The following NF1 variants were observed in gnomAD, a reference collection of about 807,000 sequenced individuals.
NF1 encodes the protein neurofibromin.
A neutral mutation model predicts 325.7 loss-of-function variants in NF1; 122 were observed. The observed-to-expected ratio is 0.37, with a 90% CI of 0.32 to 0.44. The LOEUF (loss-of-function observed/expected upper bound fraction) is 0.44, where lower values mean the gene tolerates loss of function less well. NF1 is among the 20% of genes least tolerant of loss of function. The pLI is 1.00. For missense variants in NF1, 2,140 were observed against 3,415.4 expected (o/e 0.63, Z 9.31); for synonymous variants, 1,091 against 1,186.0 (o/e 0.92, Z 1.65).
At chr17:31,134,733 G>T (rs1404395804) in intron 1 of NF1, among the ~76,000 whole-genome samples, 1 of 152,162 alleles carries the variant, frequency 6.6e-6, no homozygotes, top group Non-Finnish European at 1.5e-5. Context: ...CTGGCCATTT[G>T]TAAGAGGTCT....
At position 31,132,645 on chromosome 17, in the gene NF1, T is replaced by C. The variant is rs77287451; in HGVS notation, c.61-23338T>C. On this transcript the variant is annotated intron_variant, in intron 1 of 57. Transcript: ENST00000358273. The stretch of plus-strand genomic sequence containing the variant: ...TTGGGTTTATTCTGCTATGCATTTT[T>C]CCCCTAACTTTTTAATGTTACTTAT... Among the ~76,000 whole-genome samples the C allele has an allele frequency of 1.1e-3, 160 of 152,286 alleles. 3 individuals are homozygous for C. In the East Asian group the frequency reaches 0.028, roughly 27 times the overall value.
At chr17:31,118,841 T>C (rs909916087) in intron 1 of NF1, among the ~76,000 whole-genome samples, 11 of 152,118 alleles carry the variant, frequency 7.2e-5, no homozygotes, top group African/African-American at 2.7e-4. Flanking sequence ...GTATTTCTAG[T>C]TGTAGATCCT....
intron 36 of NF1, among the ~76,000 whole-genome samples, chr17:31,291,810 T>C (rs1457736606): frequency 6.6e-6 from 1 of 152,234 alleles, no homozygotes; most frequent in Admixed American, 6.5e-5. Flanking sequence ...TCTGGGTCCC[T>C]ATTTCACTGA....
chr17:31,256,830 C>T (rs2151460140), intron 31 of NF1, among the ~76,000 whole-genome samples: 1 of 152,284 alleles, frequency 6.6e-6, no homozygotes, highest in East Asian at 1.9e-4. Flanking sequence ...GCAATAAACA[C>T]TGTAACATAA....
chr17:31,294,073 T>C (rs1466593181), intron 36 of NF1, among the ~76,000 whole-genome samples: 1 of 152,180 alleles, frequency 6.6e-6, no homozygotes, highest in African/African-American at 2.4e-5. Context: ...TCCTCAGTAC[T>C]GCCCAAGTTC....
At chr17:31,242,700 A>G (rs1054492225) in intron 29 of NF1, among the ~76,000 whole-genome samples, 1 of 152,078 alleles carries the variant, frequency 6.6e-6, no homozygotes, top group Non-Finnish European at 1.5e-5. Flanking sequence ...TCTCCACATT[A>G]TCATGGATTT....
At chr17:31,316,480 A>G (rs1044268149) in intron 36 of NF1, among the ~76,000 whole-genome samples, 3 of 152,182 alleles carry the variant, frequency 2.0e-5, no homozygotes, top group South Asian at 2.1e-4. Flanking sequence ...TTTGACCAGT[A>G]TGTTGAATAT....
intron 29 of NF1, among the ~76,000 whole-genome samples, chr17:31,247,559 T>C (rs1279777940): frequency 6.6e-6 from 1 of 152,186 alleles, no homozygotes. Context: ...ACTCAACTGC[T>C]AGATTGGAGG....
intron 30 of NF1, chr17:31,252,460 T>A (rs1198822124): frequency 1.5e-5 from 3 of 198,462 alleles, no homozygotes; most frequent in African/African-American, 6.9e-5. Flanking sequence ...CTTTATTCAG[T>A]AGGATCATAA....
At chr17:31,334,619 T>C (rs1249151518) in intron 39 of NF1, 4 of 515,504 alleles carry the variant, frequency 7.8e-6, no homozygotes, top group African/African-American at 1.9e-5. Flanking sequence ...AAGACAAAAC[T>C]TTTCAAAAAT....
At chr17:31,367,364 G>A (rs570040306) in intron 57 of NF1, 10 of 894,904 alleles carry the variant, frequency 1.1e-5, no homozygotes, top group Admixed American at 7.4e-5. Context: ...TTTACTCACC[G>A]GTCCCTGTAA....
intron 57 of NF1, among the ~76,000 whole-genome samples, chr17:31,372,070 C>T (rs1019169931): frequency 6.6e-6 from 1 of 152,126 alleles, no homozygotes; most frequent in African/African-American, 2.4e-5. Context: ...TACTTCTTGA[C>T]TTGAAATATT....
At chr17:31,205,994 C>T (rs1034562555) in intron 11 of NF1, among the ~76,000 whole-genome samples, 1 of 151,870 alleles carries the variant, frequency 6.6e-6, no homozygotes, top group Non-Finnish European at 1.5e-5. Context: ...AGATGTCTCA[C>T]ATGCACATGC....
intron 31 of NF1, chr17:31,254,442 TTAAG>T (rs1401884715): frequency 2.6e-5 from 4 of 152,150 alleles, no homozygotes; most frequent in East Asian, 1.9e-4. Flanking sequence ...TTTGATTATA[TTAAG>T]TAAATTTGCC....
At chr17:31,122,921 A>G (rs113702926) in intron 1 of NF1, among the ~76,000 whole-genome samples, 181 of 151,984 alleles carry the variant, frequency 1.2e-3, no homozygotes, top group African/African-American at 4.0e-3. Flanking sequence ...TTTGATCTGC[A>G]TCTTTCTTTT....
At chr17:31,124,155 TAC>T (rs1225450578) in intron 1 of NF1, among the ~76,000 whole-genome samples, 2 of 152,194 alleles carry the variant, frequency 1.3e-5, no homozygotes, top group Non-Finnish European at 2.9e-5. Flanking sequence ...ATAAAAAAAT[TAC>T]AGTTTAACAT....
chr17:31,350,228 A>C lies in NF1; in HGVS notation c.7367A>C (p.Lys2456Thr). 6.2e-7 allele frequency: 1 copy of C among 1,613,962 alleles called. No homozygotes were observed. The highest frequency in any genetic ancestry group is 8.5e-7 in the Non-Finnish European group (1 of 1,179,862). The change falls in exon 50 of 58, where the codon AAA (lysine) becomes ACA (threonine). Residue 2456 changes from lysine (K) to threonine (T), a missense_variant. By Grantham distance (78) the Lys-to-Thr change is moderately conservative. Transcript: ENST00000358273. ...SEEVRSRCSL[K>T]HRKSLLLTDI... is the part of the protein sequence containing the mutation. ...GAAGTTCGAAGTCGCTGCAGCCTAA[A>C]ACATAGAAAGTCACTTCTTCTTACT...
At chr17:31,232,247 C>A in intron 25 of NF1, 58 bp downstream of exon 25, 2 of 1,002,406 alleles carry the variant, frequency 2.0e-6, no homozygotes, top group Non-Finnish European at 3.2e-6. Context: ...CCCCACCACA[C>A]AAAAAAAGCA....
At position 31,170,491 on chromosome 17, in the gene NF1, T is replaced by C. The variant is rs1379379334; in HGVS notation, c.586+494T>C. ...TTTTCAGCTCTCTACTGACTGACTTTATAGCATTACAAAGTCCCTTAACCT... is the reference window on the plus strand; with the variant it reads ...TTTTCAGCTCTCTACTGACTGACTTCATAGCATTACAAAGTCCCTTAACCT... On this transcript the variant is annotated intron_variant, in intron 5 of 57. Coordinates refer to ENST00000358273, the MANE Select transcript of NF1 (RefSeq NM_001042492.3). Among the ~76,000 whole-genome samples, 4 of 152,246 alleles carry C rather than the reference T, an allele frequency of 2.6e-5. No homozygotes were observed. In the East Asian group the frequency reaches 5.8e-4, roughly 22 times the overall value.
Sources: gnomAD v4.1 joint callset for allele counts (sites outside exome capture counted in the v4.1 genomes callset) on GRCh38, gnomAD v4.1.1 for gene constraint, MANE v1.5 for transcripts, NCBI Gene and HGNC (gene_info 2026-07-23, HGNC 2026-07-21) for gene names.